LAMA5: variants seen among roughly 807,000 people sequenced by gnomAD.
The protein encoded by LAMA5 is laminin subunit alpha-5.
LAMA5 carries 260 observed loss-of-function variants against 433.4 expected under a neutral mutation model. The ratio of observed to expected loss-of-function variants is 0.60; its 90% CI spans 0.54 to 0.66. The LOEUF (loss-of-function observed/expected upper bound fraction) is 0.66, where lower values mean the gene tolerates loss of function less well. Among genes scored for constraint, LAMA5 ranks in the 30% least tolerant of loss-of-function variants. LAMA5 has a pLI of 0.00. For synonymous variants in LAMA5, 2,620 were observed against 2,226.6 expected (o/e 1.18, Z -4.97); for missense variants, 5,378 against 5,258.5 (o/e 1.02, Z -0.70).
chr20:62,318,305 AAGAAGAGGAGGAGGG>A, intron 53 of LAMA5, 134 bp downstream of exon 53: 16 of 186,772 alleles, frequency 8.6e-5, no homozygotes, highest in Middle Eastern at 1.3e-3. Context: ...GGAGGGGGGG[AAGAAGAGGAGGAGGG>A]GGGGAGGACG....
chr20:62,335,656 A>G (rs1445466826), intron 18 of LAMA5, among the ~76,000 whole-genome samples: 1 of 121,922 alleles, frequency 8.2e-6, no homozygotes. Flanking sequence ...TCCAGGGCAC[A>G]CTCACGGGTG....
chr20:62,323,111 TCTGATGGTGAAGGTGGGGGC>T (rs1485849078), intron 45 of LAMA5, among the ~76,000 whole-genome samples: 1 of 89,448 alleles, frequency 1.1e-5, no homozygotes, highest in African/African-American at 4.3e-5. Context: ...GGGGGGAGGG[TCTGATGGTGAAGGTGGGGGC>T]CTGATCATGG....
rs574765548 is a variant in LAMA5 at position 62,325,433 on chromosome 20, C to A, written c.5412G>T (p.Ser1804=). The change falls in exon 41 of 80, where the codon TCG becomes TCT. Residue 1804 remains serine (S), a synonymous_variant. Transcript: ENST00000252999. ...GTGCCACCCTGCGCAGGAAGACAGC[C>A]GAGGAGATCTGTGAGAAGAGGGCAC... ...QIRALFSQIS[S]AVFLRRVALE... 6.2e-7 allele frequency: 1 copy of A among 1,612,480 alleles called. No homozygotes were observed. Among genetic ancestry groups the A allele is most frequent in the South Asian group, 1.1e-5 (1 of 91,058 alleles).
chr20:62,332,430 A>T lies in LAMA5; in HGVS notation c.3494T>A (p.Phe1165Tyr), dbSNP rs1301311968. Residue 1165 changes from phenylalanine (F) to tyrosine (Y), a missense_variant, in exon 28 of 80, where the codon TTC becomes TAC. Coordinates refer to ENST00000252999, the MANE Select transcript of LAMA5 (RefSeq NM_005560.6). ...ARDTQDHLAVFHLDSEASVRL... is the reference protein window; with the variant it reads ...ARDTQDHLAVYHLDSEASVRL... Reference sequence around the variant, plus strand: ...CACGCTGGCCTCCGAGTCCAGGTGGAAGACAGCCAGGTGGTCCTGGGTATC... The same window carrying T: ...CACGCTGGCCTCCGAGTCCAGGTGGTAGACAGCCAGGTGGTCCTGGGTATC... 4 of 1,612,778 alleles carry T rather than the reference A, an allele frequency of 2.5e-6. No individual in the cohort carries two copies. The highest frequency in any genetic ancestry group is 1.7e-4 in the Middle Eastern group (1 of 6,048).
At chr20:62,345,640 A>G in intron 11 of LAMA5, 178 bp downstream of exon 11, 1 of 648,308 alleles carries the variant, frequency 1.5e-6, no homozygotes, top group Non-Finnish European at 2.8e-6. Context: ...CTTTGGCTTT[A>G]TGCTGACCTA....
At chr20:62,315,920 G>A in intron 58 of LAMA5, 28 bp downstream of exon 58, 1 of 1,515,528 alleles carries the variant, frequency 6.6e-7, no homozygotes, top group African/African-American at 1.4e-5. Context: ...TCGGCCGGCT[G>A]CGAGAGCCGG....
chr20:62,363,129 C>A (rs1457282265), intron 1 of LAMA5, among the ~76,000 whole-genome samples: 1 of 152,158 alleles, frequency 6.6e-6, no homozygotes, highest in Non-Finnish European at 1.5e-5. Flanking sequence ...GGGATCCAGG[C>A]GGCCAGACCC....
In LAMA5 at chr20:62,316,737, G is replaced by C; in HGVS notation, c.7690C>G (p.Gln2564Glu). The change falls in exon 57 of 80, where the codon CAG becomes GAG. Residue 2564 changes from glutamine (Q) to glutamate (E), a missense_variant. By Grantham distance (29) the Gln-to-Glu change is conservative (BLOSUM62 2). Coordinates refer to ENST00000252999, the MANE Select transcript of LAMA5 (RefSeq NM_005560.6). ...AGTGCAGTGCTGTTGGCCAGGAGCT[G>C]CTGGGCTCGGTCCACCAGGCCCTGC... ...VRQGLVDRAQ[Q>E]LLANSTALEE... 6.2e-7 allele frequency: 1 copy of C among 1,608,942 alleles called. No homozygotes were observed. Among genetic ancestry groups the C allele is most frequent in the Non-Finnish European group, 8.5e-7 (1 of 1,177,932 alleles).
intron 2 of LAMA5, among the ~76,000 whole-genome samples, chr20:62,357,684 G>C (rs963983887): frequency 1.3e-5 from 2 of 152,236 alleles, no homozygotes; most frequent in Non-Finnish European, 2.9e-5. Context: ...TAACAACTCT[G>C]AGGCCAGAAC....
Position 62,324,111 on chromosome 20 carries a change from A to G in LAMA5, c.5737T>C (p.Cys1913Arg). ...GAAGGCACTGAGAGGGGGCAGGGGCAGCTGACACAGGGGGCGCTGGGGTCG... is the reference window on the plus strand; with the variant it reads ...GAAGGCACTGAGAGGGGGCAGGGGCGGCTGACACAGGGGGCGCTGGGGTCG... ...RDDPSAPCVS[C>R]PCPLSVPSNN... The change falls in exon 43 of 80, where the codon TGC (cysteine) becomes CGC (arginine). Residue 1913 changes from cysteine to arginine, a missense_variant. By Grantham distance (180) the Cys-to-Arg change is radical. Coordinates refer to ENST00000252999, the MANE Select transcript of LAMA5 (RefSeq NM_005560.6). The surrounding 1 kb of genome is among the most constrained non-coding windows in gnomAD (Gnocchi z 4.4). 1.3e-6 allele frequency: 2 copies of G among 1,519,154 alleles called. No homozygotes were observed. The highest frequency in any genetic ancestry group is 1.8e-6 in the Non-Finnish European group (2 of 1,136,284). The allele number at this position is 1,519,154 out of a possible 1,614,324, so 94.1% of individuals were successfully genotyped here. A position where few individuals can be genotyped will look rare whatever the true frequency, so the allele number is the denominator to read the frequency against.
At chr20:62,341,835 AAAAAAAAAAAAAG>A (rs987514604) in intron 11 of LAMA5, among the ~76,000 whole-genome samples, 2 of 43,068 alleles carry the variant, frequency 4.6e-5, no homozygotes, top group African/African-American at 6.6e-5. Flanking sequence ...CCAAAAAAAA[AAAAAAAAAAAAAG>A]AAGAAGAAAG....
Position 62,311,492 on chromosome 20 carries a change from C to G in LAMA5, c.9851G>C (p.Gly3284Ala), listed in dbSNP as rs1461633079. The part of the protein sequence containing the change: ...QRVFDLQQNL[G>A]SVNVSTGCAP... ...ACAGCCCGTGCTCACATTGACGCTGCCCAGGTTCTGCTGCAGATCAAATAC... is the reference window on the plus strand; with the variant it reads ...ACAGCCCGTGCTCACATTGACGCTGGCCAGGTTCTGCTGCAGATCAAATAC... Residue 3284 changes from glycine (G) to alanine (A), a missense_variant, in exon 72 of 80, where the codon GGC (glycine) becomes GCC (alanine). By Grantham distance (60) the Gly-to-Ala change is moderately conservative (BLOSUM62 0). Transcript: ENST00000252999. 3 of 1,610,876 alleles carry G rather than the reference C, an allele frequency of 1.9e-6. No individual in the cohort carries two copies. In the African/African-American group the frequency reaches 4.0e-5, roughly 22 times the overall value.
In LAMA5 at chr20:62,311,314, G is replaced by A. The variant is rs377517650; in HGVS notation, c.9943-7C>T. 1.0e-4 allele frequency: 158 copies of A among 1,559,754 alleles called. No homozygotes were observed. Among genetic ancestry groups the A allele is most frequent in the Admixed American group, 4.6e-4 (23 of 50,536 alleles). On this transcript the variant is annotated splice_polypyrimidine_tract_variant and splice_region_variant and intron_variant, in intron 72 of 79. Transcript: ENST00000252999. ...GACGGCTGCGGCGGGAGGCCTGGGGGCGTGGATGGTGAATGCAGGGGCCGC... is the reference window on the plus strand; with the variant it reads ...GACGGCTGCGGCGGGAGGCCTGGGGACGTGGATGGTGAATGCAGGGGCCGC...
At position 62,359,288 on chromosome 20, in the gene LAMA5, G is replaced by C. The variant is rs1009295369; in HGVS notation, c.450+3112C>G. Among the ~76,000 whole-genome samples the C allele has an allele frequency of 5.3e-5, 8 of 152,134 alleles. No individual in the cohort carries two copies. Among genetic ancestry groups the C allele is most frequent in the African/African-American group, 1.9e-4 (8 of 41,432 alleles). ...CCAGGGGCCGACTGGAGAGGGAGGG[G>C]ACACAGGCCAGAGCCAGCCCCACTC... On this transcript the variant is annotated intron_variant, in intron 2 of 79. Transcript: ENST00000252999. The surrounding 1 kb of genome is among the most constrained non-coding windows in gnomAD (Gnocchi z 4.3).
At chr20:62,351,383 C>T (rs181849701) in intron 6 of LAMA5, 79 of 506,358 alleles carry the variant, frequency 1.6e-4, no homozygotes, top group African/African-American at 1.4e-3. Context: ...CTCCACAGGG[C>T]CCCAGGTGTC....
chr20:62,354,248 A>G (rs891960078), intron 2 of LAMA5, among the ~76,000 whole-genome samples: 5 of 151,630 alleles, frequency 3.3e-5, no homozygotes, highest in Admixed American at 3.3e-4. Context: ...TCAGCTGCGG[A>G]CATCTCCCCA....
At chr20:62,320,702 G>T in intron 49 of LAMA5, 33 bp from the exon 50 acceptor site, 2 of 1,612,224 alleles carry the variant, frequency 1.2e-6, no homozygotes, top group Non-Finnish European at 1.7e-6. Flanking sequence ...GCCTGCACTG[G>T]CCCGGGTTGG....
intron 3 of LAMA5, 26 bp from the exon 4 acceptor site, chr20:62,352,386 G>T (rs745724908): frequency 6.4e-7 from 1 of 1,563,330 alleles, no homozygotes. Flanking sequence ...GGAGGGGAGG[G>T]CGCTGGATCA....
At chr20:62,357,435 G>A (rs1985405531) in intron 2 of LAMA5, among the ~76,000 whole-genome samples, 1 of 152,310 alleles carries the variant, frequency 6.6e-6, no homozygotes, top group Non-Finnish European at 1.5e-5. Flanking sequence ...GCCCTTGCCC[G>A]CTCCTGCTGT....
Sources: allele counts gnomAD v4.1 joint callset (sites outside exome capture counted in the v4.1 genomes callset), GRCh38; gene constraint gnomAD v4.1.1; non-coding constraint Gnocchi (gnomAD v3.1); transcripts MANE v1.5; gene names NCBI Gene and HGNC (gene_info 2026-07-23, HGNC 2026-07-21).